Variants in GABRG3 observed in about 807,000 individuals in gnomAD.
The protein encoded by GABRG3 is gamma-aminobutyric acid type A receptor subunit gamma3, also known as gamma-aminobutyric acid receptor subunit gamma-3.
A neutral mutation model predicts 48.8 loss-of-function variants in GABRG3; 25 were observed. The ratio of observed to expected loss-of-function variants is 0.51; its 90% CI spans 0.37 to 0.72. The LOEUF (loss-of-function observed/expected upper bound fraction) is 0.72, where lower values mean the gene tolerates loss of function less well. Ranked by LOEUF, GABRG3 falls within the 30% of genes least tolerant of loss-of-function variation. The pLI is 0.00. For missense variants in GABRG3, 394 were observed against 577.9 expected (o/e 0.68, Z 3.26); for synonymous variants, 227 against 217.6 (o/e 1.04, Z -0.38).
chr15:27,145,626 T>TATCTATC (rs1555406018), intron 3 of GABRG3, among the ~76,000 whole-genome samples: 3 of 75,956 alleles, frequency 3.9e-5, no homozygotes, highest in Non-Finnish European at 9.8e-5. Flanking sequence ...TCTATCTATC[T>TATCTATC]ATCTATCTAT....
intron 3 of GABRG3, among the ~76,000 whole-genome samples, chr15:27,306,671 T>A: frequency 1.3e-5 from 1 of 79,934 alleles, no homozygotes; most frequent in Non-Finnish European, 2.7e-5. Context: ...CATGTTTATA[T>A]ATAAACATAT....
chr15:27,059,872 C>G (rs1896616486), intron 3 of GABRG3, among the ~76,000 whole-genome samples: 1 of 152,236 alleles, frequency 6.6e-6, no homozygotes. Flanking sequence ...CCTTAAGGAT[C>G]TGTATTCTAT....
At chr15:27,292,629 A>T (rs1891833391) in intron 3 of GABRG3, among the ~76,000 whole-genome samples, 3 of 152,188 alleles carry the variant, frequency 2.0e-5, no homozygotes, top group African/African-American at 7.2e-5. Context: ...ATTCAAATAA[A>T]GTATAATGGG....
At chr15:27,016,788 C>CT (rs1330619497) in intron 2 of GABRG3, among the ~76,000 whole-genome samples, 10 of 152,048 alleles carry the variant, frequency 6.6e-5, no homozygotes, top group East Asian at 1.9e-4. Context: ...TTGCTTCACT[C>CT]TTTTTTTTGT....
chr15:27,192,831 C>T (rs550242364), intron 3 of GABRG3, among the ~76,000 whole-genome samples: 7 of 152,102 alleles, frequency 4.6e-5, no homozygotes, highest in Non-Finnish European at 7.4e-5. Flanking sequence ...TCTGTTTTTT[C>T]CCCATCTTTG....
intron 3 of GABRG3, among the ~76,000 whole-genome samples, chr15:27,268,565 A>T (rs1040323041): frequency 1.3e-5 from 2 of 151,928 alleles, no homozygotes; most frequent in African/African-American, 4.8e-5. Context: ...TTGGAGGCAG[A>T]TGTGGTATCA....
intron 3 of GABRG3, among the ~76,000 whole-genome samples, chr15:27,264,209 AAAC>A (rs1189011448): frequency 2.0e-5 from 3 of 152,034 alleles, no homozygotes; most frequent in African/African-American, 7.2e-5. Context: ...CCCAAATACT[AAAC>A]ATAAAATAAA....
rs1428370353 is a variant in GABRG3, at chr15:27,002,767, AG to A, written c.203-23985del. Among the ~76,000 whole-genome samples, 137 of 138,534 alleles carry A rather than the reference AG, an allele frequency of 9.9e-4. 1 individual carries two copies. Among genetic ancestry groups the A allele is most frequent in the Middle Eastern group, 3.7e-3 (1 of 268 alleles). 90.9% of individuals were successfully genotyped at this position (138,534 alleles called of 152,430 possible). A position where few individuals can be genotyped will look rare whatever the true frequency, so the allele number is the denominator to read the frequency against. On this transcript the variant is annotated intron_variant, in intron 2 of 9. Coordinates refer to ENST00000615808, the MANE Select transcript of GABRG3 (RefSeq NM_033223.5). ...CTCAAAAAAAAAAAAAAAAAAAGGA[AG>A]GAAGGAAGGAAGGAAAGAAGGAAAG...
At chr15:27,146,527 A>G (rs189805675) in intron 3 of GABRG3, among the ~76,000 whole-genome samples, 98 of 152,190 alleles carry the variant, frequency 6.4e-4, no homozygotes, top group Non-Finnish European at 1.3e-3. Flanking sequence ...CTCCCTCAAT[A>G]TTTTTATTTG....
At chr15:27,233,087 G>A (rs1889850318) in intron 3 of GABRG3, among the ~76,000 whole-genome samples, 3 of 151,960 alleles carry the variant, frequency 2.0e-5, no homozygotes, top group South Asian at 4.2e-4. Flanking sequence ...TGGAGACCCC[G>A]ATCACTTGTG....
chr15:27,132,595 G>A (rs775620630), intron 3 of GABRG3, among the ~76,000 whole-genome samples: 2 of 148,114 alleles, frequency 1.4e-5, no homozygotes, highest in African/African-American at 2.5e-5. Flanking sequence ...TTATTGGTGT[G>A]CATTTTTTTT....
intron 5 of GABRG3, among the ~76,000 whole-genome samples, chr15:27,406,187 A>G (rs1216842486): frequency 6.6e-6 from 1 of 151,678 alleles, no homozygotes; most frequent in African/African-American, 2.4e-5. Context: ...ACACGAGTCC[A>G]TACAGATATA....
chr15:27,032,052 T>C (rs1896096313), intron 3 of GABRG3, among the ~76,000 whole-genome samples: 1 of 152,214 alleles, frequency 6.6e-6, no homozygotes, highest in Non-Finnish European at 1.5e-5. Context: ...GGTTACATGC[T>C]TCTCCCAGGT....
chr15:27,191,525 T>C (rs1362892385), intron 3 of GABRG3, among the ~76,000 whole-genome samples: 1 of 152,228 alleles, frequency 6.6e-6, no homozygotes, highest in Non-Finnish European at 1.5e-5. Context: ...AAGTCTGTTT[T>C]ATCAGACTAA....
intron 5 of GABRG3, among the ~76,000 whole-genome samples, chr15:27,436,636 G>T (rs932339137): frequency 6.6e-5 from 10 of 152,186 alleles, no homozygotes; most frequent in African/African-American, 2.4e-4. Context: ...AACCTGGAGG[G>T]CTGGAAGAGT....
intron 5 of GABRG3, among the ~76,000 whole-genome samples, chr15:27,402,921 C>T (rs1238940543): frequency 6.6e-6 from 1 of 152,072 alleles, no homozygotes; most frequent in Non-Finnish European, 1.5e-5. Flanking sequence ...TGGGGTCAAC[C>T]AAATGCCTCA....
intron 6 of GABRG3, among the ~76,000 whole-genome samples, chr15:27,515,514 C>T (rs1242453164): frequency 6.6e-6 from 1 of 152,118 alleles, no homozygotes; most frequent in Non-Finnish European, 1.5e-5. Context: ...TGCTAATCTC[C>T]AGGCCTCAGG....
chr15:27,256,451 A>G (rs916741738), intron 3 of GABRG3, among the ~76,000 whole-genome samples: 10 of 151,008 alleles, frequency 6.6e-5, no homozygotes, highest in African/African-American at 2.4e-4. Flanking sequence ...AAAAAAAAAA[A>G]AAAAGAAAAC....
At chr15:27,284,428 A>G (rs1891541199) in intron 3 of GABRG3, among the ~76,000 whole-genome samples, 2 of 152,242 alleles carry the variant, frequency 1.3e-5, no homozygotes, top group South Asian at 4.1e-4. Flanking sequence ...TTGATAGATA[A>G]GAAAAATAAA....
Sources: allele counts gnomAD v4.1 joint callset (sites outside exome capture counted in the v4.1 genomes callset), GRCh38; gene constraint gnomAD v4.1.1; transcripts MANE v1.5; gene names NCBI Gene and HGNC (gene_info 2026-07-23, HGNC 2026-07-21).